Variants in SHISA9 observed in about 807,000 individuals in gnomAD.
The protein encoded by SHISA9 is protein shisa-9.
A neutral mutation model predicts 38.0 loss-of-function variants in SHISA9; 13 were observed. That is an observed-to-expected ratio of 0.34 (90% CI 0.22 to 0.54). SHISA9 has a LOEUF of 0.54. Ranked by LOEUF, SHISA9 falls within the 20% of genes least tolerant of loss-of-function variation. The pLI, the probability that SHISA9 is intolerant of heterozygous loss-of-function variation, is 0.91. For synonymous variants in SHISA9, 275 were observed against 242.0 expected, an observed-to-expected ratio of 1.14 and a Z score of -1.27; for missense variants, 538 against 575.8, an observed-to-expected ratio of 0.93 and a Z score of 0.67.
At chr16:13,211,613 G>A (rs2051120783) in intron 3 of SHISA9, among the ~76,000 whole-genome samples, 1 of 152,268 alleles carries the variant, frequency 6.6e-6, no homozygotes, top group East Asian at 1.9e-4. Flanking sequence ...ATGTCCATGA[G>A]TGTGACCAAG....
intron 1 of SHISA9, chr16:12,903,116 C>G (rs980037516): frequency 6.4e-6 from 1 of 155,446 alleles, no homozygotes; most frequent in Non-Finnish European, 1.4e-5. Context: ...CCGCCTGCAA[C>G]TCGTACGACT....
At chr16:12,941,401 G>A (rs1053825427) in intron 2 of SHISA9, among the ~76,000 whole-genome samples, 6 of 152,068 alleles carry the variant, frequency 3.9e-5, no homozygotes, top group African/African-American at 1.4e-4. Context: ...CATAATAGTT[G>A]CATATATTTG....
At chr16:13,112,626 A>ATT (rs200646860) in intron 2 of SHISA9, among the ~76,000 whole-genome samples, 8,078 of 148,582 alleles carry the variant, frequency 0.054, 344 homozygotes, top group Admixed American at 0.14. Flanking sequence ...TGAGTTCGTG[A>ATT]TTTTTTTTTT....
At chr16:13,155,878 G>T (rs948881358) in intron 2 of SHISA9, among the ~76,000 whole-genome samples, 4 of 150,790 alleles carry the variant, frequency 2.7e-5, no homozygotes, top group African/African-American at 9.8e-5. Context: ...CCCTCTCCCA[G>T]AATGAGGGAA....
the SHISA9 span, among the ~76,000 whole-genome samples, chr16:13,373,678 C>T: frequency 6.6e-6 from 1 of 150,786 alleles, no homozygotes; most frequent in Admixed American, 6.6e-5. Flanking sequence ...AGGAGAATTG[C>T]TTGAACCCAG....
chr16:13,478,330 T>G, the SHISA9 span, among the ~76,000 whole-genome samples: 5 of 152,114 alleles, frequency 3.3e-5, no homozygotes, highest in Non-Finnish European at 7.4e-5. Flanking sequence ...TTGTCTGGAA[T>G]CTTAAGAAAA....
chr16:13,441,379 C>A, the SHISA9 span, among the ~76,000 whole-genome samples: 1 of 152,172 alleles, frequency 6.6e-6, no homozygotes. Flanking sequence ...AAGAGTTTAA[C>A]TTAAGCATAC....
At chr16:13,210,481 GAT>G in intron 3 of SHISA9, among the ~76,000 whole-genome samples, 1 of 152,258 alleles carries the variant, frequency 6.6e-6, no homozygotes, top group East Asian at 1.9e-4. Flanking sequence ...CTATTTGACA[GAT>G]GATTGACATT....
At chr16:13,376,123 C>A in the SHISA9 span, among the ~76,000 whole-genome samples, 1 of 152,202 alleles carries the variant, frequency 6.6e-6, no homozygotes, top group Non-Finnish European at 1.5e-5. Flanking sequence ...AAATACCACA[C>A]AATGACTCTG....
intron 2 of SHISA9, among the ~76,000 whole-genome samples, chr16:13,180,967 C>A (rs1211416481): frequency 1.3e-5 from 2 of 151,804 alleles, no homozygotes; most frequent in Admixed American, 6.6e-5. Context: ...TATTTTTTTT[C>A]ATCCAAAAAC....
the SHISA9 span, among the ~76,000 whole-genome samples, chr16:13,444,810 TCTTCC>T: frequency 5.4e-5 from 8 of 149,198 alleles, no homozygotes; most frequent in African/African-American, 1.2e-4. Flanking sequence ...CTTCCCTCCA[TCTTCC>T]CTTCCCTTCC....
chr16:13,268,490 CA>C, the SHISA9 span, among the ~76,000 whole-genome samples: 14 of 151,982 alleles, frequency 9.2e-5, no homozygotes, highest in South Asian at 2.5e-3. Context: ...TCCTGGGTGA[CA>C]AAAGCAAAAC....
the SHISA9 span, among the ~76,000 whole-genome samples, chr16:13,354,181 G>A: frequency 6.8e-6 from 1 of 147,064 alleles, no homozygotes; most frequent in Admixed American, 6.9e-5. Flanking sequence ...ATAGCAGATG[G>A]AACACTGAGA....
chr16:13,248,251 C>CA, the SHISA9 span, among the ~76,000 whole-genome samples: 1 of 152,046 alleles, frequency 6.6e-6, no homozygotes, highest in Non-Finnish European at 1.5e-5. Flanking sequence ...TGGTTCTGCT[C>CA]AAAAAACCTC....
chr16:13,204,359 G>A (rs2051043159), intron 3 of SHISA9, among the ~76,000 whole-genome samples: 1 of 152,128 alleles, frequency 6.6e-6, no homozygotes. Flanking sequence ...GAGGCAGGGT[G>A]GCTGGGCGAG....
chr16:13,306,014 T>A, the SHISA9 span, among the ~76,000 whole-genome samples: 3 of 152,198 alleles, frequency 2.0e-5, no homozygotes, highest in Non-Finnish European at 4.4e-5. Flanking sequence ...GATAATCACT[T>A]AAAGTGAGAA....
At chr16:13,143,125 G>T (rs2050416829) in intron 2 of SHISA9, among the ~76,000 whole-genome samples, 1 of 151,918 alleles carries the variant, frequency 6.6e-6, no homozygotes, top group Non-Finnish European at 1.5e-5. Flanking sequence ...TCCTGCCTCA[G>T]GCTCCCGAGT....
the SHISA9 span, among the ~76,000 whole-genome samples, chr16:13,359,349 G>T: frequency 3.3e-4 from 50 of 152,210 alleles, 1 homozygote; most frequent in Admixed American, 3.2e-3. Context: ...TGGGTGTGGT[G>T]GTGGGCACCT....
the SHISA9 span, among the ~76,000 whole-genome samples, chr16:13,313,735 T>G: frequency 6.6e-6 from 1 of 152,154 alleles, no homozygotes; most frequent in Non-Finnish European, 1.5e-5. Context: ...TATATAAAAA[T>G]GAAAAAGAAA....
Sources: allele counts gnomAD v4.1 joint callset (sites outside exome capture counted in the v4.1 genomes callset), GRCh38; gene constraint gnomAD v4.1.1; transcripts MANE v1.5; gene names NCBI Gene and HGNC (gene_info 2026-07-23, HGNC 2026-07-21).